MYH4: variants seen among roughly 807,000 people sequenced by gnomAD.
MYH4 encodes myosin-4.
A neutral mutation model predicts 229.9 loss-of-function variants in MYH4; 200 were observed. That is an observed-to-expected ratio of 0.87 (90% CI 0.78 to 0.98). MYH4 has a LOEUF of 0.98. MYH4 is among the 50% of genes least tolerant of loss of function. MYH4 has a pLI of 0.00. For synonymous variants in MYH4, 761 were observed against 834.6 expected, an observed-to-expected ratio of 0.91 and a Z score of 1.52; for missense variants, 2,148 against 2,332.6, an observed-to-expected ratio of 0.92 and a Z score of 1.63.
chr17:10,443,485 G>T lies in MYH4; in HGVS notation c.5710C>A (p.Gln1904Lys), dbSNP rs777818940. 8 of 1,613,928 alleles carry T rather than the reference G, an allele frequency of 5.0e-6. No individual in the cohort carries two copies. Among genetic ancestry groups the T allele is most frequent in the Non-Finnish European group, 6.8e-6 (8 of 1,179,926 alleles). Reference sequence around the variant, plus strand: ...TCCTTGGCCTCCTCCAGCTCGTGCTGGAGCTTGCGGAACTTGGCAAGGTTG... The same window carrying T: ...TCCTTGGCCTCCTCCAGCTCGTGCTTGAGCTTGCGGAACTTGGCAAGGTTG... ...NVNLAKFRKL[Q>K]HELEEAKERA... The change falls in exon 40 of 40, where the codon CAG becomes AAG. Residue 1904 changes from glutamine (Q) to lysine (K), a missense_variant. By Grantham distance (53) the Gln-to-Lys change is moderately conservative. Coordinates refer to ENST00000255381, the MANE Select transcript of MYH4 (RefSeq NM_017533.2). This position sits in a 1 kb window ranked among gnomAD's most constrained non-coding sequence, Gnocchi z 4.6.
At chr17:10,459,164 G>A in intron 15 of MYH4, 87 bp downstream of exon 15, 1 of 1,603,854 alleles carries the variant, frequency 6.2e-7, no homozygotes, top group Non-Finnish European at 8.5e-7. Context: ...AGCACTGCTT[G>A]TTCTTTGAGA....
rs1044023429 is a variant in MYH4 at position 10,466,714 on chromosome 17, C to A, written c.32G>T (p.Gly11Val). The A allele has an allele frequency of 3.7e-6, 6 of 1,614,036 alleles. No individual in the cohort carries two copies. Among genetic ancestry groups the A allele is most frequent in the Non-Finnish European group, 5.1e-6 (6 of 1,180,044 alleles). Reference protein sequence around the residue: MSSDSEMAIFGEAAPFLRKSE... With the variant: MSSDSEMAIFVEAAPFLRKSE... ...CTTTCGGAGGAAAGGAGCAGCCTCC[C>A]CAAAAATGGCCATCTCAGAGTCAGA... Residue 11 changes from glycine (G) to valine (V), a missense_variant, in exon 3 of 40, where the codon GGG becomes GTG. Gly to Val is a moderately radical substitution (Grantham distance 109). Transcript: ENST00000255381.
intron 35 of MYH4, 82 bp from the exon 36 acceptor site, chr17:10,445,444 A>G (rs2072501814): frequency 6.6e-7 from 1 of 1,524,800 alleles, no homozygotes; most frequent in South Asian, 1.2e-5. Flanking sequence ...GTACACAGGC[A>G]AAAATTATTG....
At chr17:10,462,103 A>G (rs144913597) in intron 11 of MYH4, among the ~76,000 whole-genome samples, 1 of 152,350 alleles carries the variant, frequency 6.6e-6, no homozygotes, top group African/African-American at 2.4e-5. Context: ...CTTGAAAATA[A>G]TATTTTAATA....
chr17:10,443,337 T>C lies in MYH4; in HGVS notation c.*38A>G. The C allele has an allele frequency of 6.2e-7, 1 of 1,604,756 alleles. No homozygotes were observed. ...CAGTGACAAAGAACTTCACATTTCG[T>C]GCATTTCTTTGGTCACATTTTCTTT... On this transcript the variant is annotated 3_prime_UTR_variant, in exon 40 of 40. Transcript: ENST00000255381. This position sits in a 1 kb window ranked among gnomAD's most constrained non-coding sequence, Gnocchi z 4.6.
chr17:10,444,028 GTCTC>G (rs1418798569), intron 39 of MYH4, among the ~76,000 whole-genome samples: 1 of 152,080 alleles, frequency 6.6e-6, no homozygotes, highest in Non-Finnish European at 1.5e-5. Flanking sequence ...CCCTCCTCAA[GTCTC>G]TCTCTCACTT....
At position 10,445,852 on chromosome 17, in the gene MYH4, C is replaced by A. The variant is rs1156889461; in HGVS notation, c.5170-490G>T. 5.3e-5 allele frequency among the ~76,000 whole-genome samples: 8 copies of A among 151,800 alleles called. No homozygotes were observed. The East Asian group carries it at 1.5e-3, about 29-fold the overall frequency. On this transcript the variant is annotated intron_variant, in intron 35 of 39. Transcript: ENST00000255381. ...GACCATCCTGGCTAACACGGTGAAA[C>A]CCCGTCTCTACTAAAAATACAAAAA...
In MYH4 at chr17:10,453,933, A is replaced by G. The variant is rs75761697; in HGVS notation, c.2692-48T>C. ...TTCATTTGTCTGAGCTATATCTATAAGCACACAATAATTTATTATAAGGTG... is the reference window on the plus strand; with the variant it reads ...TTCATTTGTCTGAGCTATATCTATAGGCACACAATAATTTATTATAAGGTG... On this transcript the variant is annotated intron_variant, in intron 22 of 39. Transcript: ENST00000255381. 1.3e-4 allele frequency: 202 copies of G among 1,603,036 alleles called. No homozygotes were observed. The African/African-American group carries it at 2.4e-3, about 19-fold the overall frequency.
Position 10,454,809 on chromosome 17 carries a change from C to G in MYH4, c.2437G>C (p.Glu813Gln). 4 of 1,612,356 alleles carry G rather than the reference C, an allele frequency of 2.5e-6. No homozygotes were observed. Among genetic ancestry groups the G allele is most frequent in the Admixed American group, 1.7e-5 (1 of 59,760 alleles). Residue 813 changes from glutamate (E) to glutamine (Q), a missense_variant and splice_region_variant, in exon 22 of 40, where the codon GAG becomes CAG. Glu to Gln is a conservative substitution (Grantham distance 29, BLOSUM62 2). Transcript: ENST00000255381. ...VEFRKMMERRESIFCIQYNIR... is the reference protein window; with the variant it reads ...VEFRKMMERRQSIFCIQYNIR... ...TTGTACTGAATGCAGAAGATGGACTCTCTGTAGGAAAAGAAAAAAAGATGC... is the reference window on the plus strand; with the variant it reads ...TTGTACTGAATGCAGAAGATGGACTGTCTGTAGGAAAAGAAAAAAAGATGC...
chr17:10,455,411 A>G (rs1452313239), intron 19 of MYH4, 116 bp from the exon 20 acceptor site: 2 of 1,334,446 alleles, frequency 1.5e-6, no homozygotes, highest in East Asian at 2.4e-5. Flanking sequence ...ACAAAATGCC[A>G]TTTAAAAAGT....
chr17:10,452,777 C>T lies in MYH4; in HGVS notation c.3257+10G>A. 2 of 1,597,796 alleles carry T rather than the reference C, an allele frequency of 1.3e-6. No individual in the cohort carries two copies. Among genetic ancestry groups the T allele is most frequent in the Non-Finnish European group, 1.7e-6 (2 of 1,176,208 alleles). On this transcript the variant is annotated intron_variant, in intron 25 of 39. Coordinates refer to ENST00000255381, the MANE Select transcript of MYH4 (RefSeq NM_017533.2). ...ACAAGCAGGTTATAGCTGAATTATA[C>T]CATACTTACTTTTTGAGTTTCTCAT...
At position 10,455,970 on chromosome 17, in the gene MYH4, T is replaced by A. The variant is rs955633197; in HGVS notation, c.1969-69A>T. 1.9e-6 allele frequency: 3 copies of A among 1,576,212 alleles called. No homozygotes were observed. In the African/African-American group the frequency reaches 4.1e-5, roughly 21 times the overall value. On this transcript the variant is annotated intron_variant, in intron 17 of 39. Transcript: ENST00000255381. ...TCGACATGAGAGTCCCTATCAATAT[T>A]TGTCTTTCATTTCACATTTTAATGA...
At chr17:10,446,413 T>C (rs974302458) in intron 35 of MYH4, among the ~76,000 whole-genome samples, 1 of 152,206 alleles carries the variant, frequency 6.6e-6, no homozygotes, top group African/African-American at 2.4e-5. Flanking sequence ...ACACAGCCTA[T>C]ATTATTTTTA....
Position 10,453,208 on chromosome 17 carries a change from C to A in MYH4, c.3055G>T (p.Asp1019Tyr). The A allele has an allele frequency of 1.2e-6, 2 of 1,614,028 alleles. No homozygotes were observed. Among genetic ancestry groups the A allele is most frequent in the Non-Finnish European group, 1.7e-6 (2 of 1,180,008 alleles). The change falls in exon 24 of 40, where the codon GAC becomes TAC. Residue 1019 changes from aspartate (D) to tyrosine (Y), a missense_variant. Asp to Tyr is a radical substitution (Grantham distance 160). Transcript: ENST00000255381. ...QTLDDLQMEE[D>Y]KVNTLTKAKT... ...GCTTTGGTCAGGGTGTTGACTTTGT[C>A]CTCCTCCATCTGCAGGTCATCCAGG...
rs1429742769 is a variant in MYH4 at position 10,452,017 on chromosome 17, A to T, written c.3662T>A (p.Leu1221Gln). ...CTTCAGCTCACTCTTTTCCTTCTCCAGCTTCTGCTTGACCCGCTGAAGGCT... is the reference window on the plus strand; with the variant it reads ...CTTCAGCTCACTCTTTTCCTTCTCCTGCTTCTGCTTGACCCGCTGAAGGCT... ...IDSLQRVKQK[L>Q]EKEKSELKME... is the part of the protein sequence containing the mutation. The change falls in exon 27 of 40, where the codon CTG becomes CAG. Residue 1221 changes from leucine (L) to glutamine (Q), a missense_variant. Transcript: ENST00000255381. 1 of 1,613,794 alleles carries T rather than the reference A, an allele frequency of 6.2e-7. No individual in the cohort carries two copies.
chr17:10,455,809 C>T lies in MYH4; in HGVS notation c.2056+5G>A. 6.2e-7 allele frequency: 1 copy of T among 1,614,180 alleles called. No homozygotes were observed. Among genetic ancestry groups the T allele is most frequent in the Non-Finnish European group, 8.5e-7 (1 of 1,180,032 alleles). The stretch of plus-strand genomic sequence containing the variant: ...GAGCTTGTCTGGATATCAGAAATGT[C>T]TTACCAGGAGTTTTAGTTTCATTGG... On this transcript the variant is annotated splice_donor_5th_base_variant and intron_variant, in intron 18 of 39. Coordinates refer to ENST00000255381, the MANE Select transcript of MYH4 (RefSeq NM_017533.2).
chr17:10,462,312 T>C (rs2072711661), intron 11 of MYH4, among the ~76,000 whole-genome samples: 1 of 152,040 alleles, frequency 6.6e-6, no homozygotes, highest in African/African-American at 2.4e-5. Context: ...GAGAGTGCGT[T>C]GTTTCAAAAA....
At chr17:10,465,643 A>G in intron 4 of MYH4, 45 bp from the exon 5 acceptor site, 1 of 1,611,856 alleles carries the variant, frequency 6.2e-7, no homozygotes, top group Non-Finnish European at 8.5e-7. Flanking sequence ...CACCTTGTTT[A>G]TCTATCTTGG....
chr17:10,453,748 C>T lies in MYH4; in HGVS notation c.2829G>A (p.Lys943=). ...EEEINAELTA[K]KRKLEDECSE... ...AACATTCATCCTCCAGTTTCCTCTT[C>T]TTGGCTGTCAGCTCAGCATTGATCT... The change falls in exon 23 of 40, where the codon AAG becomes AAA. Residue 943 remains lysine, a synonymous_variant. Coordinates refer to ENST00000255381, the MANE Select transcript of MYH4 (RefSeq NM_017533.2). 3.1e-6 allele frequency: 5 copies of T among 1,614,088 alleles called. No individual in the cohort carries two copies. The highest frequency in any genetic ancestry group is 2.5e-6 in the Non-Finnish European group (3 of 1,180,000).
Sources: allele counts gnomAD v4.1 joint callset (sites outside exome capture counted in the v4.1 genomes callset), GRCh38; gene constraint gnomAD v4.1.1; non-coding constraint Gnocchi (gnomAD v3.1); transcripts MANE v1.5; gene names NCBI Gene and HGNC (gene_info 2026-07-23, HGNC 2026-07-21).